Variants in HPSE observed in about 807,000 individuals in gnomAD.
HPSE encodes the protein endo-glucoronidase.
A neutral mutation model predicts 65.1 loss-of-function variants in HPSE; 48 were observed. The ratio of observed to expected loss-of-function variants is 0.74; its 90% CI spans 0.58 to 0.94. The LOEUF (loss-of-function observed/expected upper bound fraction) is 0.94. Ranked by LOEUF, HPSE falls within the 40% of genes least tolerant of loss-of-function variation. The probability of loss-of-function intolerance (pLI) is 0.00; values close to 1 mark genes in which losing one functional copy is unlikely to be tolerated. For synonymous variants in HPSE, 243 were observed against 260.0 expected, an observed-to-expected ratio of 0.93 and a Z score of 0.63; for missense variants, 644 against 637.5, an observed-to-expected ratio of 1.01 and a Z score of -0.11.
Position 83,322,264 on chromosome 4 carries a change from A to AT in HPSE, c.327dup (p.Ser110IlefsTer4). Reference sequence around the variant, plus strand: ...CAGTAACTTCTCTCTTCAAAGGTTGATTCCTTCTTGGGATCGAAAATTAGG... The same window carrying AT: ...CAGTAACTTCTCTCTTCAAAGGTTGATTTCCTTCTTGGGATCGAAAATTAGG... On this transcript the variant is annotated frameshift_variant, in exon 2 of 12. Coordinates refer to ENST00000311412, the MANE Select transcript of HPSE (RefSeq NM_001098540.3). LOFTEE classifies it high-confidence loss of function. The AT allele has an allele frequency of 6.2e-7, 1 of 1,614,016 alleles. No homozygotes were observed. The highest frequency in any genetic ancestry group is 8.5e-7 in the Non-Finnish European group (1 of 1,179,902).
intron 3 of HPSE, among the ~76,000 whole-genome samples, 174 bp from the exon 4 acceptor site, chr4:83,313,461 C>T (rs1409575911): frequency 6.6e-6 from 1 of 152,030 alleles, no homozygotes; most frequent in Non-Finnish European, 1.5e-5. Flanking sequence ...TAAAAAAAAT[C>T]AATCTGACTT....
At chr4:83,315,673 C>A (rs1353286081) in intron 3 of HPSE, among the ~76,000 whole-genome samples, 1 of 152,144 alleles carries the variant, frequency 6.6e-6, no homozygotes, top group East Asian at 1.9e-4. Context: ...ATATCTTTGC[C>A]CGACAGGAAC....
chr4:83,299,414 G>A (rs981043477), intron 11 of HPSE, among the ~76,000 whole-genome samples: 4 of 149,532 alleles, frequency 2.7e-5, no homozygotes, highest in Non-Finnish European at 5.9e-5. Context: ...TGTCTACAGA[G>A]GCTATGTTGG....
chr4:83,310,782 G>T lies in HPSE; in HGVS notation c.782C>A (p.Ala261Glu), dbSNP rs747851387. The T allele has an allele frequency of 6.2e-7, 1 of 1,614,110 alleles. No individual in the cohort carries two copies. The highest frequency in any genetic ancestry group is 2.2e-5 in the East Asian group (1 of 44,878). The change falls in exon 5 of 12, where the codon GCA (alanine) becomes GAA (glutamate). Residue 261 changes from alanine (A) to glutamate (E), a missense_variant. Coordinates refer to ENST00000311412, the MANE Select transcript of HPSE (RefSeq NM_001098540.3). ...ACCAACATCAGGACCATAGAGTTTT[G>T]CATTTTTGAAGGTGGACTTTCTTAG... is the stretch of plus-strand genomic sequence containing the variant. The part of the protein sequence containing the change: ...KLLRKSTFKN[A>E]KLYGPDVGQP...
rs777273635 is a variant in HPSE at position 83,313,182 on chromosome 4, G to A, written c.605C>T (p.Ser202Phe). 1.2e-6 allele frequency: 2 copies of A among 1,613,802 alleles called. No homozygotes were observed. Among genetic ancestry groups the A allele is most frequent in the Non-Finnish European group, 1.7e-6 (2 of 1,179,868 alleles). ...GTAGTCCAGGAGCAACTGAGCATTAGAACTGTTCCACTGCAAATCTGCTGT... is the reference window on the plus strand; with the variant it reads ...GTAGTCCAGGAGCAACTGAGCATTAAAACTGTTCCACTGCAAATCTGCTGT... Reference protein sequence around the residue: ...LRTADLQWNSSNAQLLLDYCS... With the variant: ...LRTADLQWNSFNAQLLLDYCS... Residue 202 changes from serine to phenylalanine, a missense_variant, in exon 4 of 12, where the codon TCT (serine) becomes TTT (phenylalanine). Ser to Phe is a radical substitution (Grantham distance 155). Coordinates refer to ENST00000311412, the MANE Select transcript of HPSE (RefSeq NM_001098540.3).
Position 83,295,263 on chromosome 4 carries a change from C to G in HPSE, c.*81G>C. 7.9e-7 allele frequency: 1 copy of G among 1,258,788 alleles called. No individual in the cohort carries two copies. Among genetic ancestry groups the G allele is most frequent in the Non-Finnish European group, 1.1e-6 (1 of 903,040 alleles). The allele number at this position is 1,258,788 out of a possible 1,614,324, so 78.0% of individuals were successfully genotyped here. On this transcript the variant is annotated 3_prime_UTR_variant, in exon 12 of 12. Transcript: ENST00000311412. Reference sequence around the variant, plus strand: ...ACCCACTAGTTGCTTTGCAAGGTATCTGCTTCCTTTCCTATAACTTGAGTT... The same window carrying G: ...ACCCACTAGTTGCTTTGCAAGGTATGTGCTTCCTTTCCTATAACTTGAGTT...
intron 11 of HPSE, among the ~76,000 whole-genome samples, chr4:83,300,571 T>G (rs1735903367): frequency 1.2e-5 from 1 of 85,950 alleles, no homozygotes; most frequent in Non-Finnish European, 2.9e-5. Flanking sequence ...TTATTACACT[T>G]TGGGAGGACG....
chr4:83,322,195 G>T (rs772127638), intron 2 of HPSE, 24 bp downstream of exon 2: 1 of 1,598,112 alleles, frequency 6.3e-7, no homozygotes, highest in South Asian at 1.1e-5. Context: ...TTAAAATATA[G>T]AGTGAATCTT....
intron 1 of HPSE, among the ~76,000 whole-genome samples, chr4:83,331,467 A>G (rs1415026310): frequency 3.3e-5 from 5 of 152,178 alleles, no homozygotes; most frequent in Admixed American, 3.3e-4. Flanking sequence ...GGCCCACATT[A>G]TATTATATTT....
chr4:83,296,312 C>T (rs1735720296), intron 11 of HPSE, among the ~76,000 whole-genome samples: 1 of 152,092 alleles, frequency 6.6e-6, no homozygotes, highest in African/African-American at 2.4e-5. Context: ...AAATAAGATG[C>T]TTATATCTCT....
intron 1 of HPSE, among the ~76,000 whole-genome samples, chr4:83,324,119 T>C (rs796481067): frequency 7.5e-5 from 10 of 133,294 alleles, no homozygotes; most frequent in Non-Finnish European, 1.1e-4. Context: ...TCTTCTTTTT[T>C]TTTTTTTTTT....
intron 1 of HPSE, among the ~76,000 whole-genome samples, chr4:83,331,031 C>A (rs553544797): frequency 2.6e-5 from 4 of 151,826 alleles, no homozygotes; most frequent in African/African-American, 9.7e-5. Context: ...ATGGTGAAAC[C>A]CTGTCTCTAC....
intron 8 of HPSE, among the ~76,000 whole-genome samples, chr4:83,307,393 G>A (rs1325201962): frequency 6.6e-6 from 1 of 150,938 alleles, no homozygotes; most frequent in East Asian, 1.9e-4. Context: ...TCATTTAAAT[G>A]AAATGGCAAC....
In HPSE at chr4:83,319,796, C is replaced by T. The variant is rs969249871; in HGVS notation, c.374-327G>A. 2.0e-5 allele frequency among the ~76,000 whole-genome samples: 3 copies of T among 152,184 alleles called. No individual in the cohort carries two copies. The East Asian group carries it at 5.8e-4, about 29-fold the overall frequency. The stretch of plus-strand genomic sequence containing the variant: ...AAATTACTGGCCGGGTGCAGTGGCT[C>T]ACACCTGTAATCCCAGCACTTTGGG... On this transcript the variant is annotated intron_variant, in intron 2 of 11. Coordinates refer to ENST00000311412, the MANE Select transcript of HPSE (RefSeq NM_001098540.3).
chr4:83,321,971 G>C (rs1736909934), intron 2 of HPSE, among the ~76,000 whole-genome samples: 1 of 132,208 alleles, frequency 7.6e-6, no homozygotes. Context: ...TGAGCTCTCA[G>C]TTATATCCAG....
At chr4:83,298,063 A>ATATT (rs1318716418) in intron 11 of HPSE, among the ~76,000 whole-genome samples, 1 of 152,232 alleles carries the variant, frequency 6.6e-6, no homozygotes, top group Non-Finnish European at 1.5e-5. Context: ...AATCAGCTGT[A>ATATT]TATTTATCTA....
chr4:83,333,013 C>A (rs1737454328), intron 1 of HPSE, among the ~76,000 whole-genome samples: 1 of 150,146 alleles, frequency 6.7e-6, no homozygotes, highest in Non-Finnish European at 1.5e-5. Flanking sequence ...ATCTTCCTAT[C>A]CCCCAACTAG....
intron 8 of HPSE, among the ~76,000 whole-genome samples, chr4:83,307,691 C>G (rs1736194669): frequency 1.3e-5 from 2 of 152,208 alleles, no homozygotes; most frequent in South Asian, 4.1e-4. Context: ...TTCTCCCCGA[C>G]ACCCCAGATC....
chr4:83,325,963 CA>C (rs1737136307), intron 1 of HPSE, among the ~76,000 whole-genome samples: 1 of 151,972 alleles, frequency 6.6e-6, no homozygotes, highest in Non-Finnish European at 1.5e-5. Context: ...TGGGAGAGAA[CA>C]GAATGGAGAA....
Sources: allele counts gnomAD v4.1 joint callset (sites outside exome capture counted in the v4.1 genomes callset), GRCh38; gene constraint gnomAD v4.1.1; transcripts MANE v1.5; gene names NCBI Gene and HGNC (gene_info 2026-07-23, HGNC 2026-07-21).